TNFRSF1A: variants seen among roughly 807,000 people sequenced by gnomAD.
The protein encoded by TNFRSF1A is TNF receptor superfamily member 1A.
A neutral mutation model predicts 41.6 loss-of-function variants in TNFRSF1A; 9 were observed. The observed-to-expected ratio is 0.22, with a 90% CI of 0.13 to 0.38. The LOEUF (loss-of-function observed/expected upper bound fraction) is 0.38. TNFRSF1A is among the 10% of genes least tolerant of loss of function. TNFRSF1A has a pLI of 1.00. For synonymous variants in TNFRSF1A, 254 were observed against 248.6 expected (o/e 1.02, Z -0.21); for missense variants, 463 against 591.5 (o/e 0.78, Z 2.25).
At chr12:6,335,162 C>T (rs558529965) in intron 1 of TNFRSF1A, among the ~76,000 whole-genome samples, 1 of 152,310 alleles carries the variant, frequency 6.6e-6, no homozygotes, top group South Asian at 2.1e-4. Flanking sequence ...TATCAAACCT[C>T]AATCTGCCTC....
intron 1 of TNFRSF1A, among the ~76,000 whole-genome samples, chr12:6,336,656 A>C (rs1015000779): frequency 5.3e-5 from 8 of 151,992 alleles, no homozygotes; most frequent in African/African-American, 1.9e-4. Flanking sequence ...GCTTCCGCCC[A>C]TCAGGTCTGT....
chr12:6,333,203 A>G lies in TNFRSF1A; in HGVS notation c.473-56T>C, dbSNP rs771028298. The stretch of plus-strand genomic sequence containing the variant: ...AGAAGCGCCTGCACCCCCACCCCAC[A>G]GGACAGAGGAAGTGACGAGGGACAG... On this transcript the variant is annotated intron_variant, in intron 4 of 9. Coordinates refer to ENST00000162749, the MANE Select transcript of TNFRSF1A (RefSeq NM_001065.4). This position sits in a 1 kb window ranked among gnomAD's most constrained non-coding sequence, Gnocchi z 6.3. The G allele has an allele frequency of 1.9e-6, 3 of 1,586,316 alleles. No homozygotes were observed. The East Asian group carries it at 6.7e-5, about 36-fold the overall frequency.
intron 8 of TNFRSF1A, 68 bp downstream of exon 8, chr12:6,330,199 T>C (rs1168915525): frequency 1.2e-6 from 2 of 1,613,248 alleles, no homozygotes; most frequent in Admixed American, 3.3e-5. Flanking sequence ...TTCCAGGGGA[T>C]CTGAGCATTA....
intron 1 of TNFRSF1A, among the ~76,000 whole-genome samples, chr12:6,338,760 G>A (rs1948150880): frequency 6.6e-6 from 1 of 152,000 alleles, no homozygotes; most frequent in African/African-American, 2.4e-5. Context: ...CTCCCGAATA[G>A]CTGGGATGAC....
chr12:6,329,826 G>T lies in TNFRSF1A; in HGVS notation c.1009C>A (p.Pro337Thr). ...GCGCTGTCCTCCCACTTCTGAAGGG[G>T]GTTGGGGATGGGGTCGGAGGCGAGG... is the stretch of plus-strand genomic sequence containing the variant. ...TALASDPIPNPLQKWEDSAHK... is the reference protein window; with the variant it reads ...TALASDPIPNTLQKWEDSAHK... The change falls in exon 9 of 10, where the codon CCC (proline) becomes ACC (threonine). Residue 337 changes from proline (P) to threonine (T), a missense_variant. Around this residue, in one of 4 missense-constraint regions of TNFRSF1A, gnomAD observed 277 missense variants for 288.8 expected, o/e 0.96. Coordinates refer to ENST00000162749, the MANE Select transcript of TNFRSF1A (RefSeq NM_001065.4). 1.2e-6 allele frequency: 2 copies of T among 1,605,508 alleles called. No homozygotes were observed. The highest frequency in any genetic ancestry group is 1.7e-6 in the Non-Finnish European group (2 of 1,177,142).
chr12:6,330,186 T>C (rs1948026292), intron 8 of TNFRSF1A, 81 bp downstream of exon 8: 11 of 1,611,388 alleles, frequency 6.8e-6, no homozygotes, highest in Non-Finnish European at 9.3e-6. Context: ...AAGTGAAGGA[T>C]GATTCCAGGG....
At chr12:6,331,314 G>C in intron 5 of TNFRSF1A, 5 of 327,948 alleles carry the variant, frequency 1.5e-5, no homozygotes, top group South Asian at 1.3e-4. Flanking sequence ...TTTAATAAGT[G>C]CTTGAGAAGG....
rs778929455 is a variant in TNFRSF1A at position 6,334,224 on chromosome 12, C to T, written c.60G>A (p.Val20=). The T allele has an allele frequency of 1.2e-6, 2 of 1,613,694 alleles. No individual in the cohort carries two copies. The highest frequency in any genetic ancestry group is 1.7e-4 in the Middle Eastern group (1 of 5,994). ...CAATAACCCCTGAGGGGTATATTCC[C>T]ACCAACAGCTCCAGGAGCACCTGGG... ...LLPLVLLELL[V]GIYPSGVIGL... The change falls in exon 2 of 10, where the codon GTG becomes GTA. Residue 20 remains valine (V), a synonymous_variant. Coordinates refer to ENST00000162749, the MANE Select transcript of TNFRSF1A (RefSeq NM_001065.4). The surrounding 1 kb of genome is among the most constrained non-coding windows in gnomAD (Gnocchi z 5.1).
chr12:6,338,726 C>G (rs570896135), intron 1 of TNFRSF1A, among the ~76,000 whole-genome samples: 2 of 152,186 alleles, frequency 1.3e-5, no homozygotes, highest in African/African-American at 4.8e-5. Context: ...CCTCCTGGGC[C>G]CAAGCCGTCC....
rs4149584 is a variant in TNFRSF1A at position 6,333,477 on chromosome 12, C to T, written c.362G>A (p.Arg121Gln). 0.016 allele frequency: 25,213 copies of T among 1,613,480 alleles called. 235 individuals are homozygous for T. The highest frequency in any genetic ancestry group is 0.018 in the Non-Finnish European group (21,704 of 1,179,782). ...CTTCCTGCAGCCACACACGGTGTCC[C>T]GGTCCACTGTGCAAGAAGAGATCTC... is the stretch of plus-strand genomic sequence containing the variant. ...QVEISSCTVD[R>Q]DTVCGCRKNQ... The change falls in exon 4 of 10, where the codon CGG becomes CAG. Residue 121 changes from arginine (R) to glutamine (Q), a missense_variant. Transcript: ENST00000162749. The surrounding 1 kb of genome is among the most constrained non-coding windows in gnomAD (Gnocchi z 6.3).
intron 5 of TNFRSF1A, 196 bp from the exon 6 acceptor site, chr12:6,331,122 T>A: frequency 1.6e-6 from 1 of 635,518 alleles, no homozygotes; most frequent in East Asian, 2.8e-5. Context: ...TTGGCAGGGA[T>A]CTTGAAAAGG....
chr12:6,333,188 GCACCC>G lies in TNFRSF1A; in HGVS notation c.473-46_473-42del. ...CGGCACAGCTAAAGGAGAAGCGCCT[GCACCC>G]CCACCCCACAGGACAGAGGAAGTGA... is the stretch of plus-strand genomic sequence containing the variant. On this transcript the variant is annotated intron_variant, in intron 4 of 9. Transcript: ENST00000162749. This position sits in a 1 kb window ranked among gnomAD's most constrained non-coding sequence, Gnocchi z 6.3. 4 of 1,600,516 alleles carry G rather than the reference GCACCC, an allele frequency of 2.5e-6. No individual in the cohort carries two copies. The highest frequency in any genetic ancestry group is 1.3e-5 in the African/African-American group (1 of 74,782).
At position 6,333,767 on chromosome 12, in the gene TNFRSF1A, G is replaced by T. The variant is rs755815269; in HGVS notation, c.292C>A (p.His98Asn). 1 of 1,575,500 alleles carries T rather than the reference G, an allele frequency of 6.3e-7. No individual in the cohort carries two copies. Among genetic ancestry groups the T allele is most frequent in the Non-Finnish European group, 8.6e-7 (1 of 1,159,436 alleles). ...CGGCATTTGGAGCAGCTGAGGCAGTGTCTGAGGTGGTTTTCTGAAGCGGTG... is the reference window on the plus strand; with the variant it reads ...CGGCATTTGGAGCAGCTGAGGCAGTTTCTGAGGTGGTTTTCTGAAGCGGTG... ...SFTASENHLR[H>N]CLSCSKCRKE... The change falls in exon 3 of 10, where the codon CAC becomes AAC. Residue 98 changes from histidine to asparagine, a missense_variant. Physicochemically the swap from His to Asn is moderately conservative, Grantham distance 68. This residue lies in a region of TNFRSF1A where 149 missense variants were observed against 239.4 expected (regional missense o/e 0.62). Transcript: ENST00000162749. The surrounding 1 kb of genome is among the most constrained non-coding windows in gnomAD (Gnocchi z 6.3).
rs941563141 is a variant in TNFRSF1A, at chr12:6,341,006, A to C, written c.39+770T>G. 6.6e-6 allele frequency among the ~76,000 whole-genome samples: 1 copy of C among 152,174 alleles called. No individual in the cohort carries two copies. The highest frequency in any genetic ancestry group is 2.4e-5 in the African/African-American group (1 of 41,434). On this transcript the variant is annotated intron_variant, in intron 1 of 9. Transcript: ENST00000162749. This position sits in a 1 kb window ranked among gnomAD's most constrained non-coding sequence, Gnocchi z 4.6. ...CAGCGGGGAGGGGAAGCTGGAGGAC[A>C]GGCCCAGGGACACTGACCAGGTGGG...
chr12:6,330,519 T>C, intron 7 of TNFRSF1A, 79 bp downstream of exon 7: 1 of 1,155,124 alleles, frequency 8.7e-7, no homozygotes, highest in Non-Finnish European at 1.3e-6. Flanking sequence ...CTCACCTCCC[T>C]CCACACATGT....
At position 6,334,841 on chromosome 12, in the gene TNFRSF1A, G is replaced by GGCACACAGGGC. The variant is rs1948100012; in HGVS notation, c.40-598_40-597insGCCCTGTGTGC. ...TCCCCCACAGCAGCTAACAGTGCTG[G>GGCACACAGGGC]ACACAGGGCAGATGTTGAAAGGATG... On this transcript the variant is annotated intron_variant, in intron 1 of 9. Coordinates refer to ENST00000162749, the MANE Select transcript of TNFRSF1A (RefSeq NM_001065.4). The surrounding 1 kb of genome is among the most constrained non-coding windows in gnomAD (Gnocchi z 5.1). Among the ~76,000 whole-genome samples the GGCACACAGGGC allele has an allele frequency of 6.6e-6, 1 of 152,058 alleles. No homozygotes were observed. Among genetic ancestry groups the GGCACACAGGGC allele is most frequent in the African/African-American group, 2.4e-5 (1 of 41,374 alleles).
Position 6,334,964 on chromosome 12 carries a change from G to A in TNFRSF1A, c.40-720C>T, listed in dbSNP as rs769097139. On this transcript the variant is annotated intron_variant, in intron 1 of 9. Transcript: ENST00000162749. This position sits in a 1 kb window ranked among gnomAD's most constrained non-coding sequence, Gnocchi z 5.1. The stretch of plus-strand genomic sequence containing the variant: ...GGCGGTGTTTCTCCATCTGGGTGCT[G>A]GGTTCACCGTGTGATCGCTTTGCGA... Among the ~76,000 whole-genome samples the A allele has an allele frequency of 2.6e-5, 4 of 152,144 alleles. No individual in the cohort carries two copies. The highest frequency in any genetic ancestry group is 6.5e-5 in the Admixed American group (1 of 15,276).
rs368947970 is a variant in TNFRSF1A, at chr12:6,330,342, G to A, written c.740-47C>T. On this transcript the variant is annotated intron_variant, in intron 7 of 9. Coordinates refer to ENST00000162749, the MANE Select transcript of TNFRSF1A (RefSeq NM_001065.4). The stretch of plus-strand genomic sequence containing the variant: ...ATCATAAATTTCACTTCCTCTCTCA[G>A]CCCTGGCACCCTGGACTCAGCTGGC... 49 of 1,577,780 alleles carry A rather than the reference G, an allele frequency of 3.1e-5. No homozygotes were observed. The African/African-American group carries it at 6.5e-4, about 21-fold the overall frequency.
intron 1 of TNFRSF1A, among the ~76,000 whole-genome samples, chr12:6,335,614 T>G (rs1302838277): frequency 1.3e-5 from 2 of 152,198 alleles, no homozygotes; most frequent in African/African-American, 2.4e-5. Context: ...TTCATTTTTT[T>G]TTTCTACTAT....
Sources: allele counts gnomAD v4.1 joint callset (sites outside exome capture counted in the v4.1 genomes callset), GRCh38; gene constraint gnomAD v4.1.1; regional missense constraint gnomAD v4.1.1; non-coding constraint Gnocchi (gnomAD v3.1); transcripts MANE v1.5; gene names NCBI Gene and HGNC (gene_info 2026-07-23, HGNC 2026-07-21).